Variants in TTC17 observed in about 807,000 individuals in gnomAD.
TTC17 encodes the protein tetratricopeptide repeat domain 17.
In TTC17, 58 loss-of-function variants were observed where a neutral mutation model predicts 143.8. The ratio of observed to expected loss-of-function variants is 0.40; its 90% CI spans 0.33 to 0.50. TTC17 has a LOEUF of 0.50. Ranked by LOEUF, TTC17 falls within the 20% of genes least tolerant of loss-of-function variation. TTC17 has a pLI of 0.49. For missense variants in TTC17, 1,273 were observed against 1,392.5 expected, an observed-to-expected ratio of 0.91 and a Z score of 1.37; for synonymous variants, 501 against 497.8, an observed-to-expected ratio of 1.01 and a Z score of -0.09.
At chr11:43,442,332 G>A (rs1486058463) in intron 16 of TTC17, among the ~76,000 whole-genome samples, 1 of 152,150 alleles carries the variant, frequency 6.6e-6, no homozygotes, top group African/African-American at 2.4e-5. Context: ...GAAGATTATT[G>A]CACTAGAATA....
rs1347637773 is a variant in TTC17 at position 43,461,400 on chromosome 11, A to AAT, written c.3030+10136_3030+10137insTA. On this transcript the variant is annotated intron_variant, in intron 21 of 23. Transcript: ENST00000039989. ...AGCGAAACTCCGTCTCAAAAAAAAA[A>AAT]AAAAAAAAAAAAAAAACTAGAAGCC... 2.1e-4 allele frequency among the ~76,000 whole-genome samples: 29 copies of AAT among 140,344 alleles called. No homozygotes were observed. In the Middle Eastern group the frequency reaches 0.012, roughly 58 times the overall value. 92.1% of individuals were successfully genotyped at this position (140,344 alleles called of 152,430 possible).
chr11:43,428,965 CCTT>C (rs1326192202), intron 16 of TTC17, among the ~76,000 whole-genome samples: 1 of 152,168 alleles, frequency 6.6e-6, no homozygotes, highest in Non-Finnish European at 1.5e-5. Flanking sequence ...TATTTTAAAA[CCTT>C]CTGCAAAGAA....
At chr11:43,374,689 A>G (rs571515504) in intron 1 of TTC17, among the ~76,000 whole-genome samples, 2 of 152,206 alleles carry the variant, frequency 1.3e-5, no homozygotes, top group African/African-American at 2.4e-5. Flanking sequence ...GAGAAGTGCA[A>G]ATCAAAACCA....
intron 21 of TTC17, among the ~76,000 whole-genome samples, chr11:43,453,524 A>G (rs925312291): frequency 7.9e-5 from 12 of 152,210 alleles, no homozygotes; most frequent in African/African-American, 2.2e-4. Context: ...ACTGACCATC[A>G]ATATAGAGTC....
At chr11:43,373,590 T>G (rs1376046914) in intron 1 of TTC17, among the ~76,000 whole-genome samples, 1 of 152,182 alleles carries the variant, frequency 6.6e-6, no homozygotes, top group African/African-American at 2.4e-5. Context: ...CCCAAAGTGC[T>G]GGGATTACAG....
At chr11:43,363,780 A>G (rs1219445137) in intron 1 of TTC17, among the ~76,000 whole-genome samples, 4 of 152,236 alleles carry the variant, frequency 2.6e-5, no homozygotes, top group Non-Finnish European at 2.9e-5. Flanking sequence ...GTAGCATGCA[A>G]GTGAGCACCT....
At chr11:43,447,304 A>ACAGGAAGTGCTCTTCAAATAGTTGATAAC in intron 18 of TTC17, among the ~76,000 whole-genome samples, 1 of 152,232 alleles carries the variant, frequency 6.6e-6, no homozygotes, top group Non-Finnish European at 1.5e-5. Context: ...ATCTGAATAC[A>ACAGGAAGTGCTCTTCAAATAGTTGATAAC]CAGGAAGTGC....
chr11:43,399,073 G>A (rs1857736606), intron 8 of TTC17, among the ~76,000 whole-genome samples: 1 of 152,140 alleles, frequency 6.6e-6, no homozygotes, highest in Non-Finnish European at 1.5e-5. Flanking sequence ...CTGATTTACT[G>A]AAATCAGGTG....
chr11:43,449,982 T>C (rs1947625793), intron 19 of TTC17, 100 bp from the exon 20 acceptor site: 3 of 1,326,766 alleles, frequency 2.3e-6, no homozygotes, highest in Non-Finnish European at 3.1e-6. Context: ...GATGAGCTGA[T>C]TGTTAATGCT....
chr11:43,486,130 G>T (rs990045653), intron 21 of TTC17, among the ~76,000 whole-genome samples: 1 of 150,586 alleles, frequency 6.6e-6, no homozygotes, highest in African/African-American at 2.5e-5. Context: ...CCCCAAGTTT[G>T]TCAAGTCTGC....
At chr11:43,359,340 C>A in intron 1 of TTC17, 1 of 513,188 alleles carries the variant, frequency 1.9e-6, no homozygotes, top group Non-Finnish European at 3.2e-6. Flanking sequence ...CACCCTTCCA[C>A]CTCGCGGGCC....
At chr11:43,367,964 A>C (rs950395046) in intron 1 of TTC17, among the ~76,000 whole-genome samples, 3 of 152,214 alleles carry the variant, frequency 2.0e-5, no homozygotes, top group Non-Finnish European at 4.4e-5. Context: ...TACCTAAAAG[A>C]GTGGCTGACA....
chr11:43,389,931 T>G (rs1256868521), intron 3 of TTC17, 110 bp downstream of exon 3: 12 of 1,026,768 alleles, frequency 1.2e-5, no homozygotes, highest in Non-Finnish European at 1.7e-5. Flanking sequence ...ACAGATGAGT[T>G]TTCGAATTTG....
intron 1 of TTC17, among the ~76,000 whole-genome samples, chr11:43,373,238 C>T (rs925536472): frequency 1.3e-5 from 2 of 151,738 alleles, no homozygotes; most frequent in Admixed American, 1.3e-4. Context: ...CTGATTTTGC[C>T]ATGAACAACA....
Position 43,407,517 on chromosome 11 carries a change from C to T in TTC17, c.2004C>T (p.Tyr668=), listed in dbSNP as rs149683043. Residue 668 remains tyrosine (Y), a synonymous_variant, in exon 15 of 24, where the codon TAC becomes TAT. Coordinates refer to ENST00000039989, the MANE Select transcript of TTC17 (RefSeq NM_018259.6). ...LVNLANLLIH[Y]GLHLDATKLL... is the part of the protein sequence containing the mutation. ...ACTTGGCCAACCTTTTGATTCATTA[C>T]GGCCTTCATCTTGATGCCACTAAGC... 70 of 1,613,976 alleles carry T rather than the reference C, an allele frequency of 4.3e-5. No homozygotes were observed. The African/African-American group carries it at 8.1e-4, about 19-fold the overall frequency.
intron 2 of TTC17, chr11:43,385,505 A>G (rs1221653761): frequency 6.6e-6 from 1 of 152,186 alleles, no homozygotes; most frequent in Non-Finnish European, 1.5e-5. Flanking sequence ...AAAACTTTAG[A>G]CTATGGTGGG....
chr11:43,358,973 G>T lies in TTC17; in HGVS notation c.19G>T (p.Val7Phe), dbSNP rs199881361. Residue 7 changes from valine to phenylalanine, a missense_variant, in exon 1 of 24, where the codon GTT becomes TTT. Transcript: ENST00000039989. MAAAVG[V>F]RGRYELPPCS... ...GGGCAAGATGGCGGCGGCAGTAGGG[G>T]TTCGTGGCCGGTACGAGCTGCCGCC... 269 of 1,580,792 alleles carry T rather than the reference G, an allele frequency of 1.7e-4. 1 individual carries two copies. In the African/African-American group the frequency reaches 3.4e-3, roughly 20 times the overall value.
chr11:43,461,156 G>A (rs377492183), intron 21 of TTC17, among the ~76,000 whole-genome samples: 5 of 152,088 alleles, frequency 3.3e-5, no homozygotes, highest in African/African-American at 9.6e-5. Flanking sequence ...AGGCCGAGGC[G>A]GGTGGATCAG....
Position 43,483,425 on chromosome 11 carries a change from G to A in TTC17, c.3031-6814G>A, listed in dbSNP as rs534639293. Among the ~76,000 whole-genome samples, 47 of 152,096 alleles carry A rather than the reference G, an allele frequency of 3.1e-4. 2 individuals carry two copies. The South Asian group carries it at 9.3e-3, about 30-fold the overall frequency. Reference sequence around the variant, plus strand: ...GTTGTCATATATAATTTTTAAGTTAGCACTAATCTCACTCATGAACTTAGG... The same window carrying A: ...GTTGTCATATATAATTTTTAAGTTAACACTAATCTCACTCATGAACTTAGG... On this transcript the variant is annotated intron_variant, in intron 21 of 23. Transcript: ENST00000039989.
Sources: gnomAD v4.1 joint callset for allele counts (sites outside exome capture counted in the v4.1 genomes callset) on GRCh38, gnomAD v4.1.1 for gene constraint, MANE v1.5 for transcripts, NCBI Gene and HGNC (gene_info 2026-07-23, HGNC 2026-07-21) for gene names.